The following FRS2 variants were observed in gnomAD, a reference collection of about 807,000 sequenced individuals.
FRS2 encodes FGFR signalling adaptor.
A neutral mutation model predicts 43.9 loss-of-function variants in FRS2; 8 were observed. That is an observed-to-expected ratio of 0.18 (90% CI 0.11 to 0.33). FRS2 has a LOEUF of 0.33. Among genes scored for constraint, FRS2 ranks in the 10% least tolerant of loss-of-function variants. The probability of loss-of-function intolerance (pLI) is 1.00; values close to 1 mark genes in which losing one functional copy is unlikely to be tolerated. For synonymous variants in FRS2, 219 were observed against 220.3 expected (o/e 0.99, Z 0.05); for missense variants, 534 against 627.6 (o/e 0.85, Z 1.59).
intron 7 of FRS2, 138 bp downstream of exon 7, chr12:69,571,572 C>CAGCT: frequency 8.1e-6 from 6 of 742,900 alleles, no homozygotes; most frequent in Non-Finnish European, 1.3e-5. Flanking sequence ...TTTTTAAAAA[C>CAGCT]AGCTGTAGGC....
intron 1 of FRS2, among the ~76,000 whole-genome samples, chr12:69,496,449 A>G (rs1872907218): frequency 6.6e-6 from 1 of 152,132 alleles, no homozygotes; most frequent in African/African-American, 2.4e-5. Flanking sequence ...AAGAAAAAAA[A>G]AAGCTTGTAG....
At chr12:69,518,561 A>G (rs564756203) in intron 1 of FRS2, among the ~76,000 whole-genome samples, 1 of 152,186 alleles carries the variant, frequency 6.6e-6, no homozygotes. Flanking sequence ...TAGAAAAAAT[A>G]TAATTAGCTG....
intron 3 of FRS2, among the ~76,000 whole-genome samples, chr12:69,559,191 T>C (rs1163173250): frequency 6.6e-6 from 1 of 152,198 alleles, no homozygotes; most frequent in Non-Finnish European, 1.5e-5. Context: ...GAAAAGTGAA[T>C]TGATGACAGT....
intron 4 of FRS2, among the ~76,000 whole-genome samples, chr12:69,567,937 G>A (rs571521116): frequency 1.3e-5 from 2 of 152,360 alleles, no homozygotes; most frequent in Non-Finnish European, 2.9e-5. Flanking sequence ...ACTGAAGATA[G>A]TGGAGAGCCA....
At chr12:69,553,495 T>C (rs1310059151) in intron 3 of FRS2, among the ~76,000 whole-genome samples, 1 of 152,226 alleles carries the variant, frequency 6.6e-6, no homozygotes, top group African/African-American at 2.4e-5. Context: ...ACAATATGAT[T>C]GTACCTTTAA....
intron 3 of FRS2, among the ~76,000 whole-genome samples, chr12:69,555,167 C>T (rs1593045671): frequency 6.6e-6 from 1 of 152,020 alleles, no homozygotes; most frequent in African/African-American, 2.4e-5. Context: ...GACTCAGCCT[C>T]CCGAGTAGCT....
chr12:69,552,578 CTTATT>C (rs1878983848), intron 3 of FRS2, among the ~76,000 whole-genome samples: 1 of 152,044 alleles, frequency 6.6e-6, no homozygotes, highest in Admixed American at 6.6e-5. Flanking sequence ...AGTGTAGTGT[CTTATT>C]TTGTAGTTCA....
intron 1 of FRS2, among the ~76,000 whole-genome samples, chr12:69,472,890 G>T (rs558442360): frequency 1.3e-5 from 2 of 152,156 alleles, no homozygotes; most frequent in African/African-American, 2.4e-5. Flanking sequence ...CATGAAAAGC[G>T]CTATACTAGG....
chr12:69,570,393 A>G lies in FRS2; in HGVS notation c.129A>G (p.Thr43=). The stretch of plus-strand genomic sequence containing the variant: ...CTGGCATAATGGAACTTACAGACAC[A>G]GAACTGATTTTATACACCCGCAAAC... ...LGSGIMELTD[T]ELILYTRKRD... Residue 43 remains threonine (T), a synonymous_variant, in exon 6 of 9, where the codon ACA becomes ACG. Coordinates refer to ENST00000549921, the MANE Select transcript of FRS2 (RefSeq NM_001278356.2). 6.2e-7 allele frequency: 1 copy of G among 1,613,782 alleles called. No individual in the cohort carries two copies. The highest frequency in any genetic ancestry group is 8.5e-7 in the Non-Finnish European group (1 of 1,179,644).
intron 4 of FRS2, among the ~76,000 whole-genome samples, chr12:69,567,596 T>C (rs1262938695): frequency 1.3e-5 from 2 of 152,192 alleles, no homozygotes; most frequent in Admixed American, 1.3e-4. Flanking sequence ...ATAGATGCTA[T>C]GATACTAGGA....
At chr12:69,478,456 A>G (rs1469762016) in intron 1 of FRS2, among the ~76,000 whole-genome samples, 1 of 152,144 alleles carries the variant, frequency 6.6e-6, no homozygotes, top group African/African-American at 2.4e-5. Context: ...GCTGGTGGCT[A>G]CTGTATTAGT....
At chr12:69,558,254 A>C (rs1313707767) in intron 3 of FRS2, among the ~76,000 whole-genome samples, 2 of 152,204 alleles carry the variant, frequency 1.3e-5, no homozygotes, top group Non-Finnish European at 2.9e-5. Flanking sequence ...TAGACTTTGG[A>C]CATCACAGAC....
chr12:69,538,647 G>A lies in FRS2; in HGVS notation c.-122+6591G>A, dbSNP rs562913876. Among the ~76,000 whole-genome samples, 10 of 152,198 alleles carry A rather than the reference G, an allele frequency of 6.6e-5. No individual in the cohort carries two copies. The East Asian group carries it at 1.7e-3, about 26-fold the overall frequency. On this transcript the variant is annotated intron_variant, in intron 3 of 8. Transcript: ENST00000549921. ...CTAACTTCATGTCCATTTGAATTAA[G>A]ATGGATTCTATTGGACTTCCTCTTT...
intron 7 of FRS2, 80 bp from the exon 8 acceptor site, chr12:69,572,038 C>T (rs958184375): frequency 9.7e-7 from 1 of 1,031,642 alleles, no homozygotes; most frequent in Non-Finnish European, 1.5e-6. Flanking sequence ...CTATAATCCT[C>T]AGTACAGATT....
intron 3 of FRS2, among the ~76,000 whole-genome samples, chr12:69,557,623 C>T (rs60050293): frequency 0.028 from 2,750 of 99,208 alleles, 23 homozygotes; most frequent in South Asian, 0.054. Context: ...TGTGTGTGCG[C>T]GCGCGCGCGC....
At chr12:69,499,222 G>A (rs1189716405) in intron 1 of FRS2, among the ~76,000 whole-genome samples, 1 of 152,128 alleles carries the variant, frequency 6.6e-6, no homozygotes, top group Admixed American at 6.5e-5. Context: ...GTATTATTCA[G>A]GCAATTGTGT....
chr12:69,554,522 A>G (rs578046103), intron 3 of FRS2, among the ~76,000 whole-genome samples: 1 of 152,246 alleles, frequency 6.6e-6, no homozygotes, highest in Admixed American at 6.5e-5. Context: ...AGATTCCCAT[A>G]TACCCTTCAC....
At position 69,578,443 on chromosome 12, in the gene FRS2, G is replaced by A. The variant is rs1881336819; in HGVS notation, c.*3488G>A. ...TTTATGACGTACCACAGTATACTCT[G>A]CCCAAACCAGCACCCTATCTATCTT... On this transcript the variant is annotated 3_prime_UTR_variant, in exon 9 of 9. Transcript: ENST00000549921. 1 of 152,350 alleles carries A rather than the reference G, an allele frequency of 6.6e-6. No individual in the cohort carries two copies. The highest frequency in any genetic ancestry group is 1.5e-5 in the Non-Finnish European group (1 of 67,988). 9.4% of individuals were successfully genotyped at this position (152,350 alleles called of 1,614,324 possible).
chr12:69,545,755 CAAAAAAA>C (rs60460901), intron 3 of FRS2, among the ~76,000 whole-genome samples: 50 of 80,430 alleles, frequency 6.2e-4, no homozygotes, highest in African/African-American at 2.1e-3. Context: ...GACCCTGTCT[CAAAAAAA>C]AAAAAAAAAA....
Sources: gnomAD v4.1 joint callset for allele counts (sites outside exome capture counted in the v4.1 genomes callset) on GRCh38, gnomAD v4.1.1 for gene constraint, MANE v1.5 for transcripts, NCBI Gene and HGNC (gene_info 2026-07-23, HGNC 2026-07-21) for gene names.